KDM5B: variants seen among roughly 807,000 people sequenced by gnomAD.
KDM5B encodes lysine-specific demethylase 5B.
Under a neutral mutation model 193.4 loss-of-function variants are expected in KDM5B, and 144 were observed. The ratio of observed to expected loss-of-function variants is 0.74; its 90% CI spans 0.65 to 0.86. KDM5B has a LOEUF of 0.86. Ranked by LOEUF, KDM5B falls within the 40% of genes least tolerant of loss-of-function variation. The pLI, the probability that KDM5B is intolerant of heterozygous loss-of-function variation, is 0.00. For synonymous variants in KDM5B, 668 were observed against 682.6 expected (o/e 0.98, Z 0.33); for missense variants, 1,833 against 1,886.9 (o/e 0.97, Z 0.53).
intron 1 of KDM5B, among the ~76,000 whole-genome samples, chr1:202,798,522 T>C (rs961805917): frequency 1.3e-5 from 2 of 151,630 alleles, no homozygotes; most frequent in Non-Finnish European, 2.9e-5. Flanking sequence ...AAAACATCCC[T>C]TCATGGCCAG....
chr1:202,771,199 CTATTTTT>C (rs1656697183), intron 4 of KDM5B, among the ~76,000 whole-genome samples: 2 of 152,108 alleles, frequency 1.3e-5, no homozygotes, highest in African/African-American at 2.4e-5. Context: ...ATTCAACATT[CTATTTTT>C]TATTTTTTAT....
chr1:202,802,886 C>A (rs1038027836), intron 1 of KDM5B, among the ~76,000 whole-genome samples: 2 of 152,202 alleles, frequency 1.3e-5, no homozygotes, highest in African/African-American at 4.8e-5. Flanking sequence ...TAATAATTTT[C>A]TCTTAATTTT....
chr1:202,741,502 T>G lies in KDM5B; in HGVS notation c.2810A>C (p.Asp937Ala). 1 of 1,614,228 alleles carries G rather than the reference T, an allele frequency of 6.2e-7. No individual in the cohort carries two copies. Among genetic ancestry groups the G allele is most frequent in the Non-Finnish European group, 8.5e-7 (1 of 1,180,036 alleles). ...CLDPSSLTLD[D>A]MRRLIDLGVG... ...CCCTAGGTCTATGAGACGTCTCATA[T>G]CATCTAAAGTAAGGGAGCTGGGGTC... The change falls in exon 19 of 27, where the codon GAT becomes GCT. Residue 937 changes from aspartate (D) to alanine (A), a missense_variant. Transcript: ENST00000367265.
intron 2 of KDM5B, among the ~76,000 whole-genome samples, chr1:202,776,556 AAT>A (rs567561758): frequency 2.6e-5 from 4 of 150,952 alleles, no homozygotes; most frequent in Admixed American, 6.6e-5. Context: ...CACATATGTA[AAT>A]ATATATATAT....
rs199618695 is a variant in KDM5B, at chr1:202,779,847, A to AT, written c.205-2754_205-2753insA. 2.2e-4 allele frequency among the ~76,000 whole-genome samples: 32 copies of AT among 148,052 alleles called. No homozygotes were observed. In the East Asian group the frequency reaches 3.3e-3, roughly 15 times the overall value. ...AATAAATAAATAAATAAATAAATAA[A>AT]AAATAAAGGAAGAAAAAACAAAATA... On this transcript the variant is annotated intron_variant, in intron 1 of 26. Transcript: ENST00000367265.
Position 202,808,141 on chromosome 1 carries a change from T to A in KDM5B, c.165A>T (p.Ile55=). ...CCTTACAGATGCCAGTCTGCTCGGC[T>A]ATGGGCCGGATCTTGTGGATGAAAG... ...PFAFIHKIRP[I]AEQTGICKVR... is the part of the protein sequence containing the mutation. Residue 55 remains isoleucine (I), a synonymous_variant, in exon 1 of 27, where the codon ATA becomes ATT. Coordinates refer to ENST00000367265, the MANE Select transcript of KDM5B (RefSeq NM_006618.5). 1.2e-6 allele frequency: 2 copies of A among 1,612,984 alleles called. No homozygotes were observed. The highest frequency in any genetic ancestry group is 1.7e-6 in the Non-Finnish European group (2 of 1,179,520).
At chr1:202,785,283 C>G (rs1657361798) in intron 1 of KDM5B, among the ~76,000 whole-genome samples, 1 of 152,208 alleles carries the variant, frequency 6.6e-6, no homozygotes. Flanking sequence ...CACATTTTAT[C>G]ATAGCCACTT....
At chr1:202,757,207 A>G (rs1273694091) in intron 9 of KDM5B, among the ~76,000 whole-genome samples, 1 of 152,196 alleles carries the variant, frequency 6.6e-6, no homozygotes, top group African/African-American at 2.4e-5. Flanking sequence ...CTGATCTGAC[A>G]GGACGCAGAG....
chr1:202,727,715 A>C lies in KDM5B; in HGVS notation c.*1321T>G, dbSNP rs1654723717. The C allele has an allele frequency of 6.5e-6, 1 of 152,690 alleles. No individual in the cohort carries two copies. The highest frequency in any genetic ancestry group is 1.5e-5 in the Non-Finnish European group (1 of 68,058). The allele number at this position is 152,690 out of a possible 1,614,324, so 9.5% of individuals were successfully genotyped here. ...TGATAGCTACAGTTAGAAAGAAATGAGAAAGGAAACCAGGAGGCAGAGTCT... is the reference window on the plus strand; with the variant it reads ...TGATAGCTACAGTTAGAAAGAAATGCGAAAGGAAACCAGGAGGCAGAGTCT... On this transcript the variant is annotated 3_prime_UTR_variant, in exon 27 of 27. Coordinates refer to ENST00000367265, the MANE Select transcript of KDM5B (RefSeq NM_006618.5).
In KDM5B at chr1:202,741,395, C is replaced by T. The variant is rs201570321; in HGVS notation, c.2917G>A (p.Asp973Asn). The change falls in exon 19 of 27, where the codon GAC (aspartate) becomes AAC (asparagine). Residue 973 changes from aspartate to asparagine, a missense_variant. Physicochemically the swap from Asp to Asn is conservative, Grantham distance 23. Transcript: ENST00000367265. The part of the protein sequence containing the change: ...ELLTVSEHWD[D>N]KAKSLLKARP... ...GCCTTGAGGAGACTCTTGGCTTTGT[C>T]GTCCCAGTGCTCTGACACTGTGAGC... The T allele has an allele frequency of 7.7e-6, 12 of 1,557,838 alleles. No homozygotes were observed. Among genetic ancestry groups the T allele is most frequent in the Admixed American group, 2.0e-5 (1 of 50,238 alleles).
At chr1:202,783,781 T>A (rs1281154580) in intron 1 of KDM5B, among the ~76,000 whole-genome samples, 2 of 151,938 alleles carry the variant, frequency 1.3e-5, no homozygotes, top group African/African-American at 2.4e-5. Context: ...CTCAGGAGAC[T>A]GAGGTAGGAG....
intron 1 of KDM5B, among the ~76,000 whole-genome samples, chr1:202,807,530 G>A (rs922395307): frequency 7.9e-5 from 12 of 152,000 alleles, no homozygotes; most frequent in Admixed American, 2.0e-4. Flanking sequence ...TGGTCTGGAG[G>A]GTGGGGCGCC....
chr1:202,729,010 G>C lies in KDM5B; in HGVS notation c.*26C>G. ...TGGTTGGAGTCCTGAATTACATTAA[G>C]TAGGGGGGTATCTGTTTTTGTGTTT... On this transcript the variant is annotated 3_prime_UTR_variant, in exon 27 of 27. Coordinates refer to ENST00000367265, the MANE Select transcript of KDM5B (RefSeq NM_006618.5). 6.2e-7 allele frequency: 1 copy of C among 1,613,774 alleles called. No homozygotes were observed.
chr1:202,734,644 A>C (rs1401176134), intron 22 of KDM5B, among the ~76,000 whole-genome samples: 1 of 152,252 alleles, frequency 6.6e-6, no homozygotes, highest in African/African-American at 2.4e-5. Flanking sequence ...TTATAAAAAC[A>C]AACCACAGAT....
At chr1:202,776,940 A>G in intron 2 of KDM5B, 77 bp downstream of exon 2, 2 of 930,658 alleles carry the variant, frequency 2.1e-6, no homozygotes, top group Non-Finnish European at 1.7e-6. Flanking sequence ...ATTCTGTAAC[A>G]ATTTTAATAT....
At chr1:202,750,879 C>T (rs565059002) in intron 12 of KDM5B, 101 bp from the exon 13 acceptor site, 71 of 1,269,232 alleles carry the variant, frequency 5.6e-5, no homozygotes, top group Non-Finnish European at 7.6e-5. Context: ...CAAAAAAAGG[C>T]AGCTTTCTGA....
chr1:202,786,166 A>ATT (rs548678700), intron 1 of KDM5B, among the ~76,000 whole-genome samples: 22,600 of 106,982 alleles, frequency 0.21, 2,674 homozygotes, highest in Middle Eastern at 0.31. Flanking sequence ...TGACCAGCTA[A>ATT]TTTTTTTTTT....
chr1:202,735,379 A>T, intron 22 of KDM5B, 50 bp downstream of exon 22: 1 of 1,559,886 alleles, frequency 6.4e-7, no homozygotes, highest in Non-Finnish European at 8.7e-7. Flanking sequence ...AAGGGTTAGA[A>T]ATTATTCTTC....
intron 1 of KDM5B, among the ~76,000 whole-genome samples, chr1:202,779,456 G>A (rs1657102102): frequency 6.6e-6 from 1 of 151,574 alleles, no homozygotes; most frequent in African/African-American, 2.4e-5. Flanking sequence ...TACAGCCTGG[G>A]TGACAGAGCG....
Sources: allele counts gnomAD v4.1 joint callset (sites outside exome capture counted in the v4.1 genomes callset), GRCh38; gene constraint gnomAD v4.1.1; transcripts MANE v1.5; gene names NCBI Gene and HGNC (gene_info 2026-07-23, HGNC 2026-07-21).